Variants in FBXL7 observed in about 807,000 individuals in gnomAD.
The protein encoded by FBXL7 is F-box and leucine rich repeat protein 7.
Under a neutral mutation model 38.3 loss-of-function variants are expected in FBXL7, and 12 were observed. That is an observed-to-expected ratio of 0.31 (90% confidence interval 0.20 to 0.51). The LOEUF is 0.51. Ranked by LOEUF, FBXL7 falls within the 20% of genes least tolerant of loss-of-function variation. The pLI is 0.98. For synonymous variants in FBXL7, 297 were observed against 300.9 expected, an observed-to-expected ratio of 0.99 and a Z score of 0.13; for missense variants, 567 against 676.4, an observed-to-expected ratio of 0.84 and a Z score of 1.79.
intron 2 of FBXL7, among the ~76,000 whole-genome samples, chr5:15,709,156 C>T (rs887155393): frequency 2.5e-4 from 38 of 152,076 alleles, no homozygotes; most frequent in African/African-American, 8.2e-4. Context: ...GGACAAGTAC[C>T]GTGGACACAT....
chr5:15,514,903 G>T (rs929635929), intron 1 of FBXL7, among the ~76,000 whole-genome samples: 1 of 152,178 alleles, frequency 6.6e-6, no homozygotes, highest in East Asian at 1.9e-4. Context: ...GGGTCATTTT[G>T]GGTCCAGAGC....
At chr5:15,722,212 T>C (rs1402989071) in intron 2 of FBXL7, among the ~76,000 whole-genome samples, 1 of 152,178 alleles carries the variant, frequency 6.6e-6, no homozygotes, top group Non-Finnish European at 1.5e-5. Context: ...TGTAAACTTA[T>C]TGATACCAGT....
chr5:15,835,760 G>A (rs566687754), intron 2 of FBXL7, among the ~76,000 whole-genome samples: 2 of 152,258 alleles, frequency 1.3e-5, no homozygotes. Flanking sequence ...AAGCATTTCT[G>A]TTACAGGACA....
At chr5:15,717,484 G>T (rs771601251) in intron 2 of FBXL7, among the ~76,000 whole-genome samples, 3 of 152,214 alleles carry the variant, frequency 2.0e-5, no homozygotes, top group Non-Finnish European at 4.4e-5. Flanking sequence ...TCCACTGGAA[G>T]TTATCAGAAT....
chr5:15,837,629 G>C (rs1043851377), intron 2 of FBXL7, among the ~76,000 whole-genome samples: 2 of 152,190 alleles, frequency 1.3e-5, no homozygotes, highest in Non-Finnish European at 2.9e-5. Flanking sequence ...ACCACCCTCT[G>C]TAGATAATTT....
chr5:15,815,742 C>T (rs981050828), intron 2 of FBXL7, among the ~76,000 whole-genome samples: 2 of 152,168 alleles, frequency 1.3e-5, no homozygotes, highest in African/African-American at 4.8e-5. Context: ...TTGCTTTCAT[C>T]AGACCTCAGT....
At chr5:15,576,208 G>A (rs1272203408) in intron 1 of FBXL7, among the ~76,000 whole-genome samples, 3 of 149,302 alleles carry the variant, frequency 2.0e-5, no homozygotes, top group Non-Finnish European at 4.4e-5. Flanking sequence ...TCAGCTTCCT[G>A]AGTATCTGGG....
chr5:15,569,746 T>C (rs1472822307), intron 1 of FBXL7, among the ~76,000 whole-genome samples: 3 of 152,202 alleles, frequency 2.0e-5, no homozygotes, highest in African/African-American at 7.2e-5. Flanking sequence ...ATAGCTCTTT[T>C]TATTTTAGAT....
intron 1 of FBXL7, among the ~76,000 whole-genome samples, chr5:15,605,760 A>T (rs1580399942): frequency 1.3e-5 from 2 of 152,182 alleles, no homozygotes; most frequent in African/African-American, 4.8e-5. Flanking sequence ...ACCACAATTT[A>T]AAAAAATTAA....
intron 1 of FBXL7, among the ~76,000 whole-genome samples, chr5:15,507,411 T>G (rs571803974): frequency 2.6e-5 from 4 of 152,372 alleles, no homozygotes; most frequent in African/African-American, 7.2e-5. Flanking sequence ...TCTTTTCACT[T>G]GGAAATCAAC....
Position 15,632,829 on chromosome 5 carries a change from T to TA in FBXL7, c.127+16760dup, listed in dbSNP as rs148529597. Among the ~76,000 whole-genome samples the TA allele has an allele frequency of 6.4e-3, 978 of 152,186 alleles. 7 individuals are homozygous for TA. Among genetic ancestry groups the TA allele is most frequent in the African/African-American group, 0.022 (923 of 41,522 alleles). ...ACTAAACATTGAGTACTCACGGACA[T>TA]AAAGATGGGAACAATAGACAATGGG... On this transcript the variant is annotated intron_variant, in intron 2 of 3. Coordinates refer to ENST00000504595, the MANE Select transcript of FBXL7 (RefSeq NM_012304.5).
rs191490010 is a variant in FBXL7 at position 15,568,929 on chromosome 5, G to C, written c.38-47054G>C. Among the ~76,000 whole-genome samples, 529 of 152,202 alleles carry C rather than the reference G, an allele frequency of 3.5e-3. 2 individuals are homozygous for C. The highest frequency in any genetic ancestry group is 0.012 in the African/African-American group (505 of 41,516). On this transcript the variant is annotated intron_variant, in intron 1 of 3. Coordinates refer to ENST00000504595, the MANE Select transcript of FBXL7 (RefSeq NM_012304.5). ...ATGTGGCATTATTTCTGAGGGCTCT[G>C]TTCTGTTCCATTGGTCTATATCTCT...
intron 1 of FBXL7, among the ~76,000 whole-genome samples, chr5:15,525,619 G>A (rs1294067482): frequency 3.9e-5 from 6 of 151,942 alleles, no homozygotes; most frequent in African/African-American, 1.5e-4. Context: ...TGGGGGGTGG[G>A]GGTGGTATAA....
intron 1 of FBXL7, among the ~76,000 whole-genome samples, chr5:15,569,931 G>C (rs1738718101): frequency 1.3e-5 from 2 of 152,160 alleles, no homozygotes; most frequent in South Asian, 4.1e-4. Context: ...TGCATCCCAG[G>C]GATGAAGCCC....
At chr5:15,705,478 C>T (rs1441713211) in intron 2 of FBXL7, among the ~76,000 whole-genome samples, 2 of 152,084 alleles carry the variant, frequency 1.3e-5, no homozygotes, top group Non-Finnish European at 2.9e-5. Context: ...TGGTCCTTGC[C>T]ATTAAAGAGC....
chr5:15,577,983 G>A (rs1249297561), intron 1 of FBXL7, among the ~76,000 whole-genome samples: 1 of 152,150 alleles, frequency 6.6e-6, no homozygotes, highest in African/African-American at 2.4e-5. Flanking sequence ...GCACCTGTGG[G>A]CTTTGTTCTT....
At chr5:15,599,417 C>G (rs1252358940) in intron 1 of FBXL7, among the ~76,000 whole-genome samples, 2 of 152,058 alleles carry the variant, frequency 1.3e-5, no homozygotes, top group Non-Finnish European at 1.5e-5. Flanking sequence ...ATGTTACAAA[C>G]AGAAAATTTC....
chr5:15,696,650 T>G (rs1743347937), intron 2 of FBXL7, among the ~76,000 whole-genome samples: 1 of 152,224 alleles, frequency 6.6e-6, no homozygotes, highest in Non-Finnish European at 1.5e-5. Flanking sequence ...TTGTATTAAA[T>G]AAATGCTCAA....
chr5:15,540,676 G>A (rs181034872), intron 1 of FBXL7, among the ~76,000 whole-genome samples: 1 of 152,306 alleles, frequency 6.6e-6, no homozygotes. Flanking sequence ...ATTTCTCACA[G>A]TTCTGGAGGC....
Sources: allele counts gnomAD v4.1 joint callset (sites outside exome capture counted in the v4.1 genomes callset), GRCh38; gene constraint gnomAD v4.1.1; transcripts MANE v1.5; gene names NCBI Gene and HGNC (gene_info 2026-07-23, HGNC 2026-07-21).